Variants in GPC5 observed in about 807,000 individuals in gnomAD.
GPC5 encodes the protein glypican-5.
Under a neutral mutation model 53.9 loss-of-function variants are expected in GPC5, and 47 were observed. That is an observed-to-expected ratio of 0.87 (90% CI 0.69 to 1.11). The LOEUF (loss-of-function observed/expected upper bound fraction) is 1.11. GPC5 is among the 50% of genes most tolerant of loss of function. The pLI, the probability that GPC5 is intolerant of heterozygous loss-of-function variation, is 0.00. For synonymous variants in GPC5, 286 were observed against 263.3 expected, an observed-to-expected ratio of 1.09 and a Z score of -0.84; for missense variants, 748 against 713.1, an observed-to-expected ratio of 1.05 and a Z score of -0.56.
In GPC5 at chr13:92,197,288, A is replaced by G. The variant is rs370399836; in HGVS notation, c.1561+52299A>G. Among the ~76,000 whole-genome samples the G allele has an allele frequency of 1.8e-4, 28 of 152,350 alleles. No homozygotes were observed. In the South Asian group the frequency reaches 5.8e-3, roughly 32 times the overall value. On this transcript the variant is annotated intron_variant, in intron 7 of 7. Transcript: ENST00000377067. Reference sequence around the variant, plus strand: ...TCATATAGAGGGATATATGATAGATACAGATATAAATAATATTGACATAAA... The same window carrying G: ...TCATATAGAGGGATATATGATAGATGCAGATATAAATAATATTGACATAAA...
chr13:92,127,483 A>T (rs913364688), intron 6 of GPC5, among the ~76,000 whole-genome samples: 1 of 152,206 alleles, frequency 6.6e-6, no homozygotes, highest in Non-Finnish European at 1.5e-5. Context: ...TACTGATAGA[A>T]CTAAATAGGG....
rs16951949 is a variant in GPC5, at chr13:92,649,987, A to G, written c.1562-216295A>G. Among the ~76,000 whole-genome samples the G allele has an allele frequency of 8.3e-3, 1,260 of 152,226 alleles. 22 individuals carry two copies. The highest frequency in any genetic ancestry group is 0.029 in the African/African-American group (1,204 of 41,544). On this transcript the variant is annotated intron_variant, in intron 7 of 7. Coordinates refer to ENST00000377067, the MANE Select transcript of GPC5 (RefSeq NM_004466.6). ...GATGGATTAGTCTTATTATTTAGAA[A>G]ACCATGTAGAACTTTAAATATAAAG...
intron 6 of GPC5, among the ~76,000 whole-genome samples, chr13:91,929,384 T>C (rs1356374506): frequency 6.6e-6 from 1 of 152,110 alleles, no homozygotes; most frequent in Admixed American, 6.6e-5. Context: ...CTATCAACCA[T>C]ATCTTAATTT....
At chr13:92,154,267 A>G (rs1429852894) in intron 7 of GPC5, among the ~76,000 whole-genome samples, 3 of 152,122 alleles carry the variant, frequency 2.0e-5, no homozygotes, top group Non-Finnish European at 4.4e-5. Flanking sequence ...CCATGACCCA[A>G]ACACCTCCCA....
intron 6 of GPC5, among the ~76,000 whole-genome samples, chr13:91,980,500 C>G (rs924704147): frequency 6.6e-6 from 1 of 152,118 alleles, no homozygotes; most frequent in Non-Finnish European, 1.5e-5. Flanking sequence ...AACTTCCAGT[C>G]AATACTTCCC....
intron 7 of GPC5, among the ~76,000 whole-genome samples, chr13:92,711,755 A>C (rs2139270533): frequency 6.6e-6 from 1 of 152,246 alleles, no homozygotes; most frequent in Non-Finnish European, 1.5e-5. Flanking sequence ...CCACAATGGC[A>C]TCAAATTAGA....
chr13:92,101,289 A>G (rs1054605948), intron 6 of GPC5, among the ~76,000 whole-genome samples: 4 of 152,182 alleles, frequency 2.6e-5, no homozygotes, highest in African/African-American at 9.7e-5. Flanking sequence ...AAAGCTACCA[A>G]TAAGATGCTC....
chr13:92,033,223 G>A (rs1297300218), intron 6 of GPC5, among the ~76,000 whole-genome samples: 1 of 152,072 alleles, frequency 6.6e-6, no homozygotes, highest in Non-Finnish European at 1.5e-5. Context: ...TTAGCCAAGT[G>A]CTTTCCAAAG....
chr13:91,938,319 A>G (rs2039890177), intron 6 of GPC5, among the ~76,000 whole-genome samples: 2 of 152,036 alleles, frequency 1.3e-5, no homozygotes, highest in African/African-American at 4.8e-5. Flanking sequence ...GAAAGAGGGG[A>G]AGTGCAACAC....
intron 7 of GPC5, among the ~76,000 whole-genome samples, chr13:92,217,135 T>C (rs2042416500): frequency 1.3e-5 from 2 of 152,168 alleles, no homozygotes; most frequent in African/African-American, 4.8e-5. Flanking sequence ...CAGGGTATGC[T>C]CATTTGTTTT....
intron 7 of GPC5, among the ~76,000 whole-genome samples, chr13:92,276,726 C>T (rs1311974528): frequency 1.3e-5 from 2 of 151,952 alleles, no homozygotes; most frequent in African/African-American, 4.8e-5. Flanking sequence ...AATTAAGAGC[C>T]TTTTATTACT....
chr13:91,469,153 G>A (rs998057151), intron 2 of GPC5, among the ~76,000 whole-genome samples: 1 of 151,824 alleles, frequency 6.6e-6, no homozygotes, highest in African/African-American at 2.4e-5. Context: ...GTGTTGCCCA[G>A]GCTGGAGTGC....
At chr13:92,054,529 A>G (rs967151698) in intron 6 of GPC5, among the ~76,000 whole-genome samples, 1 of 152,192 alleles carries the variant, frequency 6.6e-6, no homozygotes, top group Non-Finnish European at 1.5e-5. Flanking sequence ...TGCAATTTAT[A>G]TGAATAAAAT....
intron 2 of GPC5, among the ~76,000 whole-genome samples, chr13:91,610,486 T>C (rs1481367377): frequency 6.6e-6 from 1 of 152,216 alleles, no homozygotes; most frequent in African/African-American, 2.4e-5. Flanking sequence ...TTAAGAAAAA[T>C]GCATCGGCTT....
intron 2 of GPC5, among the ~76,000 whole-genome samples, chr13:91,668,632 C>A (rs2035173100): frequency 6.6e-6 from 1 of 151,612 alleles, no homozygotes; most frequent in Admixed American, 6.6e-5. Flanking sequence ...ATTTTTTAAT[C>A]TCTAAAAAAA....
chr13:92,220,147 GTAAA>G (rs2042438239), intron 7 of GPC5, among the ~76,000 whole-genome samples: 1 of 152,068 alleles, frequency 6.6e-6, no homozygotes, highest in South Asian at 2.1e-4. Context: ...AGTGTTCTGT[GTAAA>G]TACTTTGTGC....
intron 7 of GPC5, among the ~76,000 whole-genome samples, chr13:92,238,914 A>G (rs1001438266): frequency 2.0e-5 from 3 of 151,158 alleles, no homozygotes; most frequent in Non-Finnish European, 4.4e-5. Context: ...AACTATTTTG[A>G]CTAAATTTTT....
chr13:92,863,862 C>T (rs910430825), intron 7 of GPC5, among the ~76,000 whole-genome samples: 4 of 152,102 alleles, frequency 2.6e-5, no homozygotes, highest in African/African-American at 7.2e-5. Context: ...TTTTTAATAA[C>T]GCAATTTTCT....
chr13:91,408,806 C>T (rs888958448), intron 1 of GPC5, among the ~76,000 whole-genome samples: 1 of 152,100 alleles, frequency 6.6e-6, no homozygotes, highest in African/African-American at 2.4e-5. Context: ...TATTTCAGTT[C>T]TTATAATTCC....
Sources: gnomAD v4.1 joint callset for allele counts (sites outside exome capture counted in the v4.1 genomes callset) on GRCh38, gnomAD v4.1.1 for gene constraint, MANE v1.5 for transcripts, NCBI Gene and HGNC (gene_info 2026-07-23, HGNC 2026-07-21) for gene names.